Variants in NEDD9 observed in about 807,000 individuals in gnomAD.
NEDD9 encodes neural precursor cell expressed, developmentally down-regulated 9.
A neutral mutation model predicts 76.6 loss-of-function variants in NEDD9; 26 were observed. That is an observed-to-expected ratio of 0.34 (90% CI 0.25 to 0.47). The LOEUF is 0.47. Ranked by LOEUF, NEDD9 falls within the 20% of genes least tolerant of loss-of-function variation. The pLI is 1.00. For synonymous variants in NEDD9, 392 were observed against 414.2 expected (o/e 0.95, Z 0.65); for missense variants, 937 against 1,058.5 (o/e 0.89, Z 1.59).
intron 1 of NEDD9, among the ~76,000 whole-genome samples, chr6:11,220,640 C>T (rs1759111925): frequency 6.6e-6 from 1 of 152,290 alleles, no homozygotes; most frequent in Non-Finnish European, 1.5e-5. Flanking sequence ...TTTGGTGGCT[C>T]ATATACCAAA....
intron 3 of NEDD9, among the ~76,000 whole-genome samples, chr6:11,246,061 G>A (rs1759800649): frequency 6.6e-6 from 1 of 152,182 alleles, no homozygotes; most frequent in Admixed American, 6.5e-5. Context: ...TCGGGTGGGG[G>A]AGCGGGCAGG....
intron 3 of NEDD9, among the ~76,000 whole-genome samples, chr6:11,192,932 C>CAAAAAA (rs71550759): frequency 1.1e-4 from 3 of 28,172 alleles, no homozygotes; most frequent in Non-Finnish European, 1.8e-4. Flanking sequence ...GACTCTGTCT[C>CAAAAAA]AAAAAAAAAA....
At chr6:11,378,600 T>C (rs1039902397) in intron 1 of NEDD9, among the ~76,000 whole-genome samples, 8 of 152,188 alleles carry the variant, frequency 5.3e-5, no homozygotes, top group Admixed American at 2.0e-4. Context: ...TTCCTATGAT[T>C]ATTTAGAATA....
At chr6:11,356,503 C>T (rs1762577930) in intron 1 of NEDD9, among the ~76,000 whole-genome samples, 1 of 152,172 alleles carries the variant, frequency 6.6e-6, no homozygotes, top group Admixed American at 6.5e-5. Context: ...CACCATGTTC[C>T]CATACATCTT....
At chr6:11,305,411 G>A (rs979332437) in intron 3 of NEDD9, 3 of 244,424 alleles carry the variant, frequency 1.2e-5, no homozygotes, top group African/African-American at 2.3e-5. Context: ...TATGCCATGC[G>A]ATGATGCCTG....
chr6:11,306,862 T>A (rs1467641436), intron 2 of NEDD9, among the ~76,000 whole-genome samples: 1 of 152,214 alleles, frequency 6.6e-6, no homozygotes, highest in Non-Finnish European at 1.5e-5. Context: ...AAACATGGAC[T>A]GGGCTTTCGG....
Position 11,183,754 on chromosome 6 carries a change from A to G in NEDD9, c.*1408T>C, listed in dbSNP as rs1561775192. 2 of 152,202 alleles carry G rather than the reference A, an allele frequency of 1.3e-5. No individual in the cohort carries two copies. The highest frequency in any genetic ancestry group is 2.9e-5 in the Non-Finnish European group (2 of 68,038). 9.4% of individuals were successfully genotyped at this position (152,202 alleles called of 1,614,324 possible). A position where few individuals can be genotyped will look rare whatever the true frequency, so the allele number is the denominator to read the frequency against. On this transcript the variant is annotated 3_prime_UTR_variant, in exon 7 of 7. Coordinates refer to ENST00000379446, the MANE Select transcript of NEDD9 (RefSeq NM_006403.4). ...GCAAGCTTAATTCAGTCAGGCATAT[A>G]TTGCAAATAAAAACATGTTTCCAAG... is the stretch of plus-strand genomic sequence containing the variant.
intron 1 of NEDD9, among the ~76,000 whole-genome samples, chr6:11,229,754 T>C (rs989734807): frequency 3.9e-5 from 6 of 152,076 alleles, no homozygotes; most frequent in African/African-American, 1.4e-4. Flanking sequence ...TGTGGACAAA[T>C]AAAAACATAC....
chr6:11,221,697 G>A (rs17496379), intron 1 of NEDD9, among the ~76,000 whole-genome samples: 3,609 of 152,170 alleles, frequency 0.024, 58 homozygotes, highest in Middle Eastern at 0.037. Flanking sequence ...TTGGAATCTC[G>A]AAGCATTTGT....
intron 1 of NEDD9, among the ~76,000 whole-genome samples, chr6:11,224,907 C>T (rs1759260161): frequency 6.6e-6 from 1 of 152,168 alleles, no homozygotes; most frequent in African/African-American, 2.4e-5. Flanking sequence ...AAGGCTAACT[C>T]ATAGTTACCA....
intron 1 of NEDD9, among the ~76,000 whole-genome samples, chr6:11,346,064 T>A (rs1762358533): frequency 6.6e-6 from 1 of 152,256 alleles, no homozygotes; most frequent in Non-Finnish European, 1.5e-5. Context: ...CTTGCCACTC[T>A]CTGACATGGT....
intron 6 of NEDD9, among the ~76,000 whole-genome samples, chr6:11,187,271 T>C (rs1444081729): frequency 6.6e-6 from 1 of 152,168 alleles, no homozygotes; most frequent in Non-Finnish European, 1.5e-5. Context: ...TTACATGCCA[T>C]TTCACTTCAT....
chr6:11,287,681 T>C (rs1344865998), intron 3 of NEDD9, among the ~76,000 whole-genome samples: 1 of 152,208 alleles, frequency 6.6e-6, no homozygotes, highest in Non-Finnish European at 1.5e-5. Context: ...TGGTCTGTTG[T>C]AAAGCCTTCT....
chr6:11,286,508 C>G (rs2113367619), intron 3 of NEDD9, among the ~76,000 whole-genome samples: 1 of 152,236 alleles, frequency 6.6e-6, no homozygotes, highest in Non-Finnish European at 1.5e-5. Context: ...CCATGCACAC[C>G]CTTTTACATA....
chr6:11,278,492 C>G (rs1039549731), intron 3 of NEDD9, among the ~76,000 whole-genome samples: 2 of 152,178 alleles, frequency 1.3e-5, no homozygotes, highest in African/African-American at 4.8e-5. Context: ...CTTTCTACCT[C>G]TCTCCTAGCT....
intron 1 of NEDD9, among the ~76,000 whole-genome samples, chr6:11,354,542 C>T (rs1366146986): frequency 1.3e-5 from 2 of 152,200 alleles, no homozygotes; most frequent in African/African-American, 2.4e-5. Flanking sequence ...CATGGAGCTG[C>T]ATGCTGTTGC....
chr6:11,375,455 C>T (rs1386442475), intron 1 of NEDD9, among the ~76,000 whole-genome samples: 1 of 152,112 alleles, frequency 6.6e-6, no homozygotes, highest in Non-Finnish European at 1.5e-5. Flanking sequence ...GACAATAGTT[C>T]CTTTTGTGGT....
intron 1 of NEDD9, among the ~76,000 whole-genome samples, chr6:11,356,871 T>A (rs1333024959): frequency 6.6e-6 from 1 of 152,174 alleles, no homozygotes; most frequent in African/African-American, 2.4e-5. Context: ...CCCCTTCGCA[T>A]GTAAGAAAAG....
chr6:11,208,519 G>A (rs1176136353), intron 2 of NEDD9, among the ~76,000 whole-genome samples: 1 of 152,190 alleles, frequency 6.6e-6, no homozygotes, highest in Non-Finnish European at 1.5e-5. Flanking sequence ...GTTAATTAAA[G>A]GTTAACTCTC....
Sources: gnomAD v4.1 joint callset for allele counts (sites outside exome capture counted in the v4.1 genomes callset) on GRCh38, gnomAD v4.1.1 for gene constraint, MANE v1.5 for transcripts, NCBI Gene and HGNC (gene_info 2026-07-23, HGNC 2026-07-21) for gene names.